Variants in ATRNL1 observed in about 807,000 individuals in gnomAD.
ATRNL1 encodes attractin-like protein 1.
A neutral mutation model predicts 182.7 loss-of-function variants in ATRNL1; 95 were observed. The ratio of observed to expected loss-of-function variants is 0.52; its 90% CI spans 0.44 to 0.62. ATRNL1 has a LOEUF of 0.62. Among genes scored for constraint, ATRNL1 ranks in the 20% least tolerant of loss-of-function variants. The pLI is 0.00. For synonymous variants in ATRNL1, 576 were observed against 568.3 expected (o/e 1.01, Z -0.19); for missense variants, 1,471 against 1,679.5 (o/e 0.88, Z 2.17).
At chr10:115,272,915 A>G (rs1285001055) in intron 13 of ATRNL1, among the ~76,000 whole-genome samples, 3 of 152,226 alleles carry the variant, frequency 2.0e-5, no homozygotes, top group African/African-American at 7.2e-5. Context: ...CCAAGATAGT[A>G]GAGAAAGAAT....
chr10:115,133,656 G>A (rs376853201), intron 5 of ATRNL1, among the ~76,000 whole-genome samples: 9 of 150,554 alleles, frequency 6.0e-5, no homozygotes, highest in South Asian at 2.1e-4. Context: ...AAGGTTAACA[G>A]CGATATCCAG....
chr10:115,399,802 C>T (rs543867229), intron 20 of ATRNL1, among the ~76,000 whole-genome samples: 1 of 152,016 alleles, frequency 6.6e-6, no homozygotes, highest in African/African-American at 2.4e-5. Flanking sequence ...TTGATGTGGA[C>T]ATTTAGTGCT....
At chr10:115,196,155 A>G (rs1190708378) in intron 8 of ATRNL1, among the ~76,000 whole-genome samples, 2 of 150,760 alleles carry the variant, frequency 1.3e-5, no homozygotes, top group East Asian at 3.9e-4. Flanking sequence ...AGACAGGCAA[A>G]ACCCTGTGCC....
At chr10:115,844,909 T>C (rs1448457281) in intron 27 of ATRNL1, among the ~76,000 whole-genome samples, 2 of 152,084 alleles carry the variant, frequency 1.3e-5, no homozygotes, top group Non-Finnish European at 2.9e-5. Context: ...TATGTAGTTA[T>C]CACGAAACAA....
chr10:115,779,224 G>A (rs927073601), intron 27 of ATRNL1, among the ~76,000 whole-genome samples: 4 of 152,142 alleles, frequency 2.6e-5, no homozygotes, highest in Non-Finnish European at 5.9e-5. Flanking sequence ...GAAGATAAAA[G>A]CAGATTTGGG....
intron 5 of ATRNL1, among the ~76,000 whole-genome samples, chr10:115,157,501 A>G (rs1166545133): frequency 6.6e-6 from 1 of 152,138 alleles, no homozygotes; most frequent in Non-Finnish European, 1.5e-5. Flanking sequence ...TAAAGACAAC[A>G]TATAGATTGG....
In ATRNL1 at chr10:115,589,166, C is replaced by G. The variant is rs545794188; in HGVS notation, c.3795+39630C>G. 5.9e-5 allele frequency among the ~76,000 whole-genome samples: 9 copies of G among 152,202 alleles called. 1 individual carries two copies. The Middle Eastern group carries it at 0.017, about 288-fold the overall frequency. ...AATTTAAGATATAATTAGACTTTGACTATAACGTATTCAGATATTTTTGAA... is the reference window on the plus strand; with the variant it reads ...AATTTAAGATATAATTAGACTTTGAGTATAACGTATTCAGATATTTTTGAA... On this transcript the variant is annotated intron_variant, in intron 26 of 28. Coordinates refer to ENST00000355044, the MANE Select transcript of ATRNL1 (RefSeq NM_207303.4).
intron 13 of ATRNL1, among the ~76,000 whole-genome samples, chr10:115,277,153 A>G (rs1554915098): frequency 7.4e-6 from 1 of 134,922 alleles, no homozygotes; most frequent in East Asian, 3.2e-4. Context: ...TATGAAAACA[A>G]AAAATTATGA....
In ATRNL1 at chr10:115,406,124, G is replaced by A. The variant is rs762395351; in HGVS notation, c.3269+11372G>A. 2.6e-3 allele frequency among the ~76,000 whole-genome samples: 399 copies of A among 152,000 alleles called. 1 individual carries two copies. The highest frequency in any genetic ancestry group is 4.3e-3 in the Non-Finnish European group (293 of 67,962). ...ACATTTGGGTTAGTTCCAAGTCTTT[G>A]CTATTGTGAGTAGTGCCGCAATAAA... On this transcript the variant is annotated intron_variant, in intron 20 of 28. Transcript: ENST00000355044.
chr10:115,634,100 C>T (rs1414756431), intron 26 of ATRNL1, among the ~76,000 whole-genome samples: 2 of 151,910 alleles, frequency 1.3e-5, no homozygotes, highest in East Asian at 1.9e-4. Context: ...TTAATGATAC[C>T]GAGCTCTGAA....
At chr10:115,390,360 G>T (rs971781355) in intron 19 of ATRNL1, among the ~76,000 whole-genome samples, 4 of 152,060 alleles carry the variant, frequency 2.6e-5, no homozygotes, top group Admixed American at 6.6e-5. Flanking sequence ...GTTGAGTTTT[G>T]TGTATTGAAT....
chr10:115,849,228 A>G (rs546002515), intron 28 of ATRNL1, among the ~76,000 whole-genome samples: 35 of 152,278 alleles, frequency 2.3e-4, no homozygotes, highest in Middle Eastern at 6.8e-3. Context: ...CTTTTCATAC[A>G]TTGAGTGAAT....
At chr10:115,377,217 G>A (rs1371394804) in intron 19 of ATRNL1, among the ~76,000 whole-genome samples, 11 of 152,126 alleles carry the variant, frequency 7.2e-5, no homozygotes, top group Non-Finnish European at 1.2e-4. Context: ...GAGGGACCCA[G>A]TGGGAGATAA....
intron 19 of ATRNL1, among the ~76,000 whole-genome samples, chr10:115,356,627 G>C (rs1347892243): frequency 6.6e-6 from 1 of 151,674 alleles, no homozygotes; most frequent in Non-Finnish European, 1.5e-5. Context: ...ACTATCTGTG[G>C]GCTAATTCCC....
intron 20 of ATRNL1, among the ~76,000 whole-genome samples, chr10:115,421,545 C>G (rs1845652217): frequency 6.6e-6 from 1 of 152,142 alleles, no homozygotes; most frequent in African/African-American, 2.4e-5. Context: ...GAACACACCT[C>G]AACATATGTG....
At chr10:115,786,442 C>T (rs527750952) in intron 27 of ATRNL1, among the ~76,000 whole-genome samples, 2 of 152,230 alleles carry the variant, frequency 1.3e-5, no homozygotes, top group East Asian at 1.9e-4. Context: ...CCTCTTTCTA[C>T]GTTCGGGTGG....
intron 28 of ATRNL1, among the ~76,000 whole-genome samples, chr10:115,941,243 T>C (rs1286947698): frequency 6.6e-6 from 1 of 152,254 alleles, no homozygotes; most frequent in African/African-American, 2.4e-5. Flanking sequence ...AAAATAAGCA[T>C]GATTTGCAAT....
intron 26 of ATRNL1, among the ~76,000 whole-genome samples, chr10:115,561,713 G>T (rs998200178): frequency 7.9e-5 from 12 of 151,120 alleles, no homozygotes; most frequent in African/African-American, 2.9e-4. Context: ...GGGTGTGTGT[G>T]TGTGTGTGTG....
intron 20 of ATRNL1, among the ~76,000 whole-genome samples, chr10:115,396,126 C>T (rs1300650992): frequency 6.6e-6 from 1 of 151,860 alleles, no homozygotes; most frequent in African/African-American, 2.4e-5. Context: ...TATGTCTTTG[C>T]TTAGCCACCT....
Sources: gnomAD v4.1 joint callset for allele counts (sites outside exome capture counted in the v4.1 genomes callset) on GRCh38, gnomAD v4.1.1 for gene constraint, MANE v1.5 for transcripts, NCBI Gene and HGNC (gene_info 2026-07-23, HGNC 2026-07-21) for gene names.